GLIS3: variants seen among roughly 807,000 people sequenced by gnomAD.
The protein encoded by GLIS3 is zinc finger protein GLIS3.
A neutral mutation model predicts 78.6 loss-of-function variants in GLIS3; 53 were observed. That is an observed-to-expected ratio of 0.67 (90% CI 0.54 to 0.85). The LOEUF is 0.85. GLIS3 is among the 40% of genes least tolerant of loss of function. The probability of loss-of-function intolerance (pLI) is 0.00; values close to 1 mark genes in which losing one functional copy is unlikely to be tolerated. For missense variants in GLIS3, 1,703 were observed against 1,231.1 expected (o/e 1.38, Z -5.74); for synonymous variants, 684 against 509.9 (o/e 1.34, Z -4.60).
At chr9:4,469,854 T>A in the GLIS3 span, among the ~76,000 whole-genome samples, 1 of 152,068 alleles carries the variant, frequency 6.6e-6, no homozygotes, top group Non-Finnish European at 1.5e-5. Context: ...GAGCTGTTTT[T>A]TTGAGAAGAT....
chr9:4,316,450 C>T (rs965791713), intron 2 of GLIS3, among the ~76,000 whole-genome samples: 4 of 152,320 alleles, frequency 2.6e-5, no homozygotes, highest in Non-Finnish European at 5.9e-5. Context: ...TAAATATCAT[C>T]ATTTCATTCA....
At chr9:3,903,462 A>G (rs998533221) in intron 6 of GLIS3, among the ~76,000 whole-genome samples, 9 of 152,348 alleles carry the variant, frequency 5.9e-5, no homozygotes, top group African/African-American at 2.2e-4. Context: ...GCATGACACC[A>G]AGGACCTTTG....
At chr9:4,271,341 G>A (rs1203818207) in intron 2 of GLIS3, among the ~76,000 whole-genome samples, 2 of 152,084 alleles carry the variant, frequency 1.3e-5, no homozygotes, top group Non-Finnish European at 2.9e-5. Flanking sequence ...ATGTTTTGGG[G>A]GAATCAGAAG....
intron 2 of GLIS3, among the ~76,000 whole-genome samples, chr9:4,184,421 C>T (rs996145515): frequency 2.6e-5 from 4 of 152,180 alleles, no homozygotes; most frequent in Admixed American, 2.0e-4. Flanking sequence ...CAGCTGTATT[C>T]GAATACCCCC....
At chr9:4,199,901 G>A (rs1158093249) in intron 2 of GLIS3, among the ~76,000 whole-genome samples, 1 of 152,100 alleles carries the variant, frequency 6.6e-6, no homozygotes, top group Admixed American at 6.5e-5. Context: ...CCAACCACAT[G>A]CTCAGCTATA....
chr9:4,058,605 T>C (rs891932834), intron 4 of GLIS3, among the ~76,000 whole-genome samples: 10 of 152,186 alleles, frequency 6.6e-5, no homozygotes, highest in African/African-American at 2.4e-4. Flanking sequence ...TCTACTTCTA[T>C]TGACTATTTC....
Position 4,049,260 on chromosome 9 carries a change from T to C in GLIS3, c.1710+68508A>G, listed in dbSNP as rs529115511. ...AATACTCAAATACAACCATACTGGT[T>C]GGTAAATAACCTCTGCCTTGATACC... On this transcript the variant is annotated intron_variant, in intron 4 of 10. Transcript: ENST00000381971. 2.0e-5 allele frequency among the ~76,000 whole-genome samples: 3 copies of C among 152,320 alleles called. No homozygotes were observed. The South Asian group carries it at 6.2e-4, about 32-fold the overall frequency.
intron 4 of GLIS3, among the ~76,000 whole-genome samples, chr9:3,990,149 C>G (rs929006831): frequency 4.6e-5 from 7 of 152,172 alleles, no homozygotes; most frequent in Non-Finnish European, 2.9e-5. Flanking sequence ...ATGTGACAAC[C>G]AAGGCCTGCT....
In GLIS3 at chr9:3,843,125, C is replaced by T. The variant is rs540859594; in HGVS notation, c.2473+12884G>A. On this transcript the variant is annotated intron_variant, in intron 9 of 10. Coordinates refer to ENST00000381971, the MANE Select transcript of GLIS3 (RefSeq NM_001042413.2). ...CAGAAGTCTTGTTCTCACTGTTGGT[C>T]CCATACTGATCTTGTGGCTTAGACT... Among the ~76,000 whole-genome samples the T allele has an allele frequency of 3.3e-5, 5 of 152,288 alleles. No homozygotes were observed. The East Asian group carries it at 9.6e-4, about 29-fold the overall frequency.
At chr9:4,013,096 C>G (rs949815443) in intron 4 of GLIS3, among the ~76,000 whole-genome samples, 4 of 152,036 alleles carry the variant, frequency 2.6e-5, no homozygotes, top group African/African-American at 9.7e-5. Context: ...ATGTGGTATC[C>G]TTTGGGCATC....
At position 3,847,999 on chromosome 9, in the gene GLIS3, T is replaced by C. The variant is rs146425312; in HGVS notation, c.2473+8010A>G. 1.2e-4 allele frequency among the ~76,000 whole-genome samples: 19 copies of C among 152,394 alleles called. No homozygotes were observed. In the South Asian group the frequency reaches 1.7e-3, roughly 13 times the overall value. On this transcript the variant is annotated intron_variant, in intron 9 of 10. Transcript: ENST00000381971. ...CATCGGCTCATTTCTTTTGTGAATATGTCACAACTTTCTCCATGAAATCTA... is the reference window on the plus strand; with the variant it reads ...CATCGGCTCATTTCTTTTGTGAATACGTCACAACTTTCTCCATGAAATCTA...
chr9:3,897,838 A>G (rs550761178), intron 7 of GLIS3, among the ~76,000 whole-genome samples: 8 of 152,348 alleles, frequency 5.3e-5, no homozygotes, highest in East Asian at 1.9e-4. Flanking sequence ...AAAGAAAAAA[A>G]CAGTCTGCTG....
At chr9:4,116,108 A>T (rs1831617225) in intron 4 of GLIS3, among the ~76,000 whole-genome samples, 1 of 152,242 alleles carries the variant, frequency 6.6e-6, no homozygotes, top group African/African-American at 2.4e-5. Flanking sequence ...GGGAAATCCT[A>T]TTGCACAAAA....
At chr9:4,374,636 G>C in the GLIS3 span, among the ~76,000 whole-genome samples, 1 of 152,328 alleles carries the variant, frequency 6.6e-6, no homozygotes, top group South Asian at 2.1e-4. Context: ...GTCAATCAGG[G>C]CATCTTGTCT....
chr9:4,189,135 G>A (rs967663843), intron 2 of GLIS3, among the ~76,000 whole-genome samples: 4 of 150,702 alleles, frequency 2.7e-5, no homozygotes, highest in South Asian at 2.2e-4. Flanking sequence ...TGGGCATTTA[G>A]TGCTATAAAC....
chr9:4,417,178 G>A, the GLIS3 span, among the ~76,000 whole-genome samples: 5 of 152,088 alleles, frequency 3.3e-5, no homozygotes, highest in Non-Finnish European at 7.4e-5. Flanking sequence ...GAAGGGTATC[G>A]ATTATTTATA....
intron 2 of GLIS3, among the ~76,000 whole-genome samples, chr9:4,194,023 A>C (rs976791340): frequency 6.6e-6 from 1 of 152,080 alleles, no homozygotes; most frequent in African/African-American, 2.4e-5. Context: ...TGTTTATTAC[A>C]TTTTGGCCTT....
At chr9:4,326,850 G>A (rs903797223) in intron 2 of GLIS3, among the ~76,000 whole-genome samples, 4 of 152,096 alleles carry the variant, frequency 2.6e-5, no homozygotes, top group African/African-American at 7.2e-5. Flanking sequence ...ATAAGGACTG[G>A]CATAAGCGTG....
chr9:4,418,517 G>A, the GLIS3 span, among the ~76,000 whole-genome samples: 1 of 152,166 alleles, frequency 6.6e-6, no homozygotes, highest in Admixed American at 6.5e-5. Context: ...TGGCCAACAT[G>A]GTGAAGCCCC....
Sources: gnomAD v4.1 joint callset for allele counts (sites outside exome capture counted in the v4.1 genomes callset) on GRCh38, gnomAD v4.1.1 for gene constraint, MANE v1.5 for transcripts, NCBI Gene and HGNC (gene_info 2026-07-23, HGNC 2026-07-21) for gene names.